DAPK2: variants seen among roughly 807,000 people sequenced by gnomAD.
The protein encoded by DAPK2 is death-associated protein kinase 2.
A neutral mutation model predicts 44.1 loss-of-function variants in DAPK2; 35 were observed. The observed-to-expected ratio is 0.79, with a 90% confidence interval of 0.61 to 1.05. DAPK2 has a LOEUF of 1.05. Among genes scored for constraint, DAPK2 ranks in the 50% least tolerant of loss-of-function variants. The pLI, the probability that DAPK2 is intolerant of heterozygous loss-of-function variation, is 0.00. For missense variants in DAPK2, 453 were observed against 483.2 expected (o/e 0.94, Z 0.59); for synonymous variants, 174 against 182.6 (o/e 0.95, Z 0.38).
intron 1 of DAPK2, among the ~76,000 whole-genome samples, chr15:64,009,084 C>T (rs116695307): frequency 5.3e-5 from 8 of 152,136 alleles, no homozygotes; most frequent in Admixed American, 2.0e-4. Context: ...CCTGTGCATA[C>T]CTCCATCATG....
chr15:63,990,297 T>C lies in DAPK2; in HGVS notation c.93-6543A>G, dbSNP rs989532358. On this transcript the variant is annotated intron_variant, in intron 1 of 10. Transcript: ENST00000261891. This position sits in a 1 kb window ranked among gnomAD's most constrained non-coding sequence, Gnocchi z 4.3. ...TACAAAAATTAGCTGGGCATGGTGG[T>C]GCACACCTGTAGTCCCAACTACTCG... Among the ~76,000 whole-genome samples, 4 of 152,108 alleles carry C rather than the reference T, an allele frequency of 2.6e-5. No individual in the cohort carries two copies. In the South Asian group the frequency reaches 8.3e-4, roughly 32 times the overall value.
At chr15:63,965,369 C>T (rs1405136391) in intron 3 of DAPK2, among the ~76,000 whole-genome samples, 4 of 152,252 alleles carry the variant, frequency 2.6e-5, no homozygotes, top group Non-Finnish European at 5.9e-5. Context: ...ACAAGCACTC[C>T]TGTGGCCATC....
intron 1 of DAPK2, among the ~76,000 whole-genome samples, chr15:64,023,909 A>C: frequency 6.6e-6 from 1 of 152,154 alleles, no homozygotes; most frequent in East Asian, 1.9e-4. Flanking sequence ...TTTAAGAAAA[A>C]CTTTAAAGGA....
At chr15:64,036,704 C>T (rs2080221585) in intron 1 of DAPK2, among the ~76,000 whole-genome samples, 1 of 152,038 alleles carries the variant, frequency 6.6e-6, no homozygotes, top group East Asian at 1.9e-4. Flanking sequence ...ATAGTTAAGA[C>T]TTAATGAAGA....
At chr15:63,982,300 A>C (rs867971752) in intron 2 of DAPK2, among the ~76,000 whole-genome samples, 1 of 143,198 alleles carries the variant, frequency 7.0e-6, no homozygotes, top group Non-Finnish European at 1.5e-5. Context: ...AAGCAATTCT[A>C]CTGCTTCAGC....
At chr15:63,986,347 T>G in intron 1 of DAPK2, among the ~76,000 whole-genome samples, 1 of 152,264 alleles carries the variant, frequency 6.6e-6, no homozygotes, top group Non-Finnish European at 1.5e-5. Context: ...GTGGTTCATG[T>G]GAAGGCTGAG....
chr15:64,046,061 C>A lies in DAPK2; in HGVS notation c.-7+237G>T, dbSNP rs559743671. On this transcript the variant is annotated intron_variant, in intron 1 of 11. Coordinates refer to the DAPK2 transcript ENST00000457488. This position sits in a 1 kb window ranked among gnomAD's most constrained non-coding sequence, Gnocchi z 5.3. ...TCTGCCCGCCGCCTCTACCCTGTCT[C>A]CCAGGTCAAAGTGCCAGGCTCCGGA... is the stretch of plus-strand genomic sequence containing the variant. Among the ~76,000 whole-genome samples, 25 of 152,304 alleles carry A rather than the reference C, an allele frequency of 1.6e-4. No homozygotes were observed. The highest frequency in any genetic ancestry group is 5.8e-4 in the African/African-American group (24 of 41,590).
At position 63,971,566 on chromosome 15, in the gene DAPK2, A is replaced by G. The variant is rs1263244864; in HGVS notation, c.315-5T>C. ...AAGAGCTCTCCTCCAGACACTCTGT[A>G]AAACACCAGCGGGGGGAGGGGAGGC... On this transcript the variant is annotated splice_polypyrimidine_tract_variant and splice_region_variant and intron_variant, in intron 2 of 10. Coordinates refer to ENST00000261891, the Ensembl canonical transcript of DAPK2. The G allele has an allele frequency of 3.7e-6, 6 of 1,613,814 alleles. No homozygotes were observed. The highest frequency in any genetic ancestry group is 2.7e-5 in the African/African-American group (2 of 74,908).
At chr15:63,957,353 G>GT (rs201427027) in intron 3 of DAPK2, among the ~76,000 whole-genome samples, 412 of 151,336 alleles carry the variant, frequency 2.7e-3, no homozygotes, top group African/African-American at 9.1e-3. Flanking sequence ...ATTGGGTCTG[G>GT]TTTTTTCTTT....
At chr15:64,043,455 G>C (rs2080391971), upstream of DAPK2, among the ~76,000 whole-genome samples, 2 of 152,178 alleles carry the variant, frequency 1.3e-5, 1 homozygote, top group South Asian at 4.1e-4. Context: ...ACTGCTACCT[G>C]CAACAACATG....
chr15:63,996,923 C>T (rs2078965883), intron 1 of DAPK2, among the ~76,000 whole-genome samples: 1 of 152,160 alleles, frequency 6.6e-6, no homozygotes, highest in African/African-American at 2.4e-5. Flanking sequence ...TCCCTCATCC[C>T]CACCCTCAAA....
rs2078061221 is a variant in DAPK2 at position 63,966,620 on chromosome 15, C to CA, written c.453+4802dup. ...CTCAGGTTCTGACCACTAGGATGAG[C>CA]AATTCTCCTCTGTCTAGGGCTAGTC... On this transcript the variant is annotated intron_variant, in intron 3 of 10. Coordinates refer to ENST00000261891, the Ensembl canonical transcript of DAPK2. This position sits in a 1 kb window ranked among gnomAD's most constrained non-coding sequence, Gnocchi z 5.5. Among the ~76,000 whole-genome samples the CA allele has an allele frequency of 6.6e-6, 1 of 152,210 alleles. No individual in the cohort carries two copies. Among genetic ancestry groups the CA allele is most frequent in the Admixed American group, 6.5e-5 (1 of 15,282 alleles).
upstream of DAPK2, among the ~76,000 whole-genome samples, chr15:64,044,864 C>T (rs78749490): frequency 2.0e-3 from 310 of 152,320 alleles, 3 homozygotes; most frequent in African/African-American, 7.1e-3. Context: ...ACACACACGA[C>T]CGTCTCATTA....
chr15:63,942,179 T>C lies in DAPK2; in HGVS notation c.454-2818A>G, dbSNP rs143933647. ...GGGAAGAATTGAGGCTGAAATAAGA[T>C]GGGAGTCTCCTTCCTCACACAGGCT... On this transcript the variant is annotated intron_variant, in intron 3 of 10. Coordinates refer to ENST00000261891, the Ensembl canonical transcript of DAPK2. 114 of 981,888 alleles carry C rather than the reference T, an allele frequency of 1.2e-4. No individual in the cohort carries two copies. The African/African-American group carries it at 1.9e-3, about 16-fold the overall frequency. The allele number at this position is 981,888 out of a possible 1,614,324, so 60.8% of individuals were successfully genotyped here.
intron 3 of DAPK2, among the ~76,000 whole-genome samples, chr15:63,946,973 G>A (rs148802491): frequency 2.4e-3 from 372 of 152,262 alleles, no homozygotes; most frequent in Non-Finnish European, 4.0e-3. Context: ...ACACACTGTC[G>A]ATGGGACCAC....
At chr15:64,041,142 G>T (rs1479820993), upstream of DAPK2, among the ~76,000 whole-genome samples, 2 of 152,206 alleles carry the variant, frequency 1.3e-5, no homozygotes, top group African/African-American at 4.8e-5. Flanking sequence ...CCAACTGCGT[G>T]TCTGAACTAA....
intron 1 of DAPK2, among the ~76,000 whole-genome samples, chr15:64,005,012 A>T (rs2140987962): frequency 6.6e-6 from 1 of 152,268 alleles, no homozygotes; most frequent in South Asian, 2.1e-4. Context: ...TTAAGTAAGG[A>T]TGAAAGGTGA....
rs947580273 is a variant in DAPK2 at position 63,980,213 on chromosome 15, C to T, written c.314+3320G>A. 6.6e-6 allele frequency among the ~76,000 whole-genome samples: 1 copy of T among 152,084 alleles called. No homozygotes were observed. Among genetic ancestry groups the T allele is most frequent in the Admixed American group, 6.6e-5 (1 of 15,266 alleles). On this transcript the variant is annotated intron_variant, in intron 2 of 10. Coordinates refer to ENST00000261891, the Ensembl canonical transcript of DAPK2. This position sits in a 1 kb window ranked among gnomAD's most constrained non-coding sequence, Gnocchi z 4.3. The stretch of plus-strand genomic sequence containing the variant: ...TGGTGCACCTGAGCTCACAAGAAGC[C>T]GGCACATAACTGGCTGACCATGAGC...
chr15:64,010,003 C>T (rs934934777), intron 1 of DAPK2, among the ~76,000 whole-genome samples: 4 of 152,196 alleles, frequency 2.6e-5, no homozygotes, highest in Non-Finnish European at 5.9e-5. Flanking sequence ...GTCAAAGGGC[C>T]TTAGAATTGT....
Sources: gnomAD v4.1 joint callset for allele counts (sites outside exome capture counted in the v4.1 genomes callset) on GRCh38, gnomAD v4.1.1 for gene constraint, Gnocchi (gnomAD v3.1) non-coding constraint, MANE v1.5 for transcripts, NCBI Gene and HGNC (gene_info 2026-07-23, HGNC 2026-07-21) for gene names.